KCTD3: variants seen among roughly 807,000 people sequenced by gnomAD.
KCTD3 encodes the protein BTB/POZ domain-containing protein KCTD3.
A neutral mutation model predicts 85.8 loss-of-function variants in KCTD3; 41 were observed. That is an observed-to-expected ratio of 0.48 (90% CI 0.37 to 0.62). The LOEUF (loss-of-function observed/expected upper bound fraction) is 0.62, where lower values mean the gene tolerates loss of function less well. Among genes scored for constraint, KCTD3 ranks in the 20% least tolerant of loss-of-function variants. The pLI, the probability that KCTD3 is intolerant of heterozygous loss-of-function variation, is 0.00. For missense variants in KCTD3, 724 were observed against 989.9 expected (o/e 0.73, Z 3.60); for synonymous variants, 338 against 345.4 (o/e 0.98, Z 0.24).
At chr1:215,582,879 A>G (rs917574080) in intron 8 of KCTD3, among the ~76,000 whole-genome samples, 1 of 152,132 alleles carries the variant, frequency 6.6e-6, no homozygotes, top group Non-Finnish European at 1.5e-5. Flanking sequence ...ACATATTTTA[A>G]ATGTATTACT....
intron 12 of KCTD3, among the ~76,000 whole-genome samples, chr1:215,602,997 C>G (rs990894270): frequency 6.6e-6 from 1 of 152,140 alleles, no homozygotes; most frequent in African/African-American, 2.4e-5. Flanking sequence ...CAAGCTGGCT[C>G]TTTTTGATAC....
At chr1:215,599,332 AT>A (rs892327533) in intron 10 of KCTD3, among the ~76,000 whole-genome samples, 1 of 152,220 alleles carries the variant, frequency 6.6e-6, no homozygotes, top group Non-Finnish European at 1.5e-5. Flanking sequence ...TAGATAAGTG[AT>A]TATTTAAAAA....
At chr1:215,600,391 CCTAA>C (rs1388521595) in intron 10 of KCTD3, among the ~76,000 whole-genome samples, 12 of 152,314 alleles carry the variant, frequency 7.9e-5, no homozygotes, top group African/African-American at 2.9e-4. Context: ...CCTTGCCCTA[CCTAA>C]CTCATAGTTG....
chr1:215,592,600 A>G (rs1660266560), intron 9 of KCTD3, among the ~76,000 whole-genome samples: 1 of 152,182 alleles, frequency 6.6e-6, no homozygotes, highest in South Asian at 2.1e-4. Context: ...AAATTTTATT[A>G]CTTGCTTGGT....
rs539496427 is a variant in KCTD3, at chr1:215,569,119, A to G, written c.83+1351A>G. On this transcript the variant is annotated intron_variant, in intron 1 of 17. Coordinates refer to ENST00000259154, the MANE Select transcript of KCTD3 (RefSeq NM_016121.5). ...GATAGTTAATGTATTTCTTTTCTTT[A>G]ATTTTCTTTTTTTTTTTTTTTGAGA... 2.0e-5 allele frequency among the ~76,000 whole-genome samples: 3 copies of G among 149,882 alleles called. No individual in the cohort carries two copies. The South Asian group carries it at 6.3e-4, about 32-fold the overall frequency.
chr1:215,591,344 TTCTC>T (rs1317729824), intron 9 of KCTD3, among the ~76,000 whole-genome samples: 6 of 137,196 alleles, frequency 4.4e-5, no homozygotes, highest in African/African-American at 1.1e-4. Context: ...CCTTCCTTCC[TTCTC>T]TCTTTCTCTC....
intron 9 of KCTD3, among the ~76,000 whole-genome samples, chr1:215,591,758 C>T (rs1660235106): frequency 6.6e-6 from 1 of 152,214 alleles, no homozygotes; most frequent in Admixed American, 6.5e-5. Flanking sequence ...ACCCCTCTGG[C>T]ACAGTTCCCT....
At chr1:215,614,299 G>A (rs1296537054) in intron 15 of KCTD3, among the ~76,000 whole-genome samples, 3 of 152,022 alleles carry the variant, frequency 2.0e-5, no homozygotes, top group Non-Finnish European at 4.4e-5. Context: ...CCAAAGTGCT[G>A]GGATTACAGG....
At position 215,578,033 on chromosome 1, in the gene KCTD3, C is replaced by T. The variant is rs1054425962; in HGVS notation, c.349C>T (p.Arg117Cys). The T allele has an allele frequency of 1.1e-5, 17 of 1,612,106 alleles. No individual in the cohort carries two copies. The highest frequency in any genetic ancestry group is 2.2e-5 in the East Asian group (1 of 44,848). The change falls in exon 6 of 18, where the codon CGT becomes TGT. Residue 117 changes from arginine (R) to cysteine (C), a missense_variant. Around this residue, in one of 6 missense-constraint regions of KCTD3, gnomAD observed 17 missense variants for 40.4 expected, o/e 0.42. Transcript: ENST00000259154. ...GCTTCTCTTATGTGAAGAATTGGAGCGTTCCTCTTGTGGCAGTGTCCTTTT... is the reference window on the plus strand; with the variant it reads ...GCTTCTCTTATGTGAAGAATTGGAGTGTTCCTCTTGTGGCAGTGTCCTTTT... The part of the protein sequence containing the change: ...RRLLLCEELE[R>C]SSCGSVLFHG...
At chr1:215,589,402 A>T (rs1397358902) in intron 9 of KCTD3, among the ~76,000 whole-genome samples, 2 of 152,148 alleles carry the variant, frequency 1.3e-5, no homozygotes, top group African/African-American at 4.8e-5. Context: ...TGGCTTTCCA[A>T]AGTGCTGGGA....
In KCTD3 at chr1:215,613,421, T is replaced by G. The variant is rs117613872; in HGVS notation, c.1562+1500T>G. On this transcript the variant is annotated intron_variant, in intron 15 of 17. Coordinates refer to ENST00000259154, the MANE Select transcript of KCTD3 (RefSeq NM_016121.5). Reference sequence around the variant, plus strand: ...TTAGACCTTTGTCAGATGCTTAGTTTGCAGATATTTTCTCCTATCCTGTAG... The same window carrying G: ...TTAGACCTTTGTCAGATGCTTAGTTGGCAGATATTTTCTCCTATCCTGTAG... Among the ~76,000 whole-genome samples the G allele has an allele frequency of 1.7e-3, 259 of 152,316 alleles. 4 individuals carry two copies. The East Asian group carries it at 0.037, about 22-fold the overall frequency.
intron 8 of KCTD3, among the ~76,000 whole-genome samples, chr1:215,582,581 A>G (rs1659865052): frequency 1.3e-5 from 2 of 152,142 alleles, no homozygotes; most frequent in African/African-American, 4.8e-5. Context: ...TGAGATTTTG[A>G]GACAGAGTCT....
Position 215,621,729 on chromosome 1 carries a change from T to G in KCTD3, c.*1111T>G, listed in dbSNP as rs1655698649. 1 of 152,550 alleles carries G rather than the reference T, an allele frequency of 6.6e-6. No individual in the cohort carries two copies. The highest frequency in any genetic ancestry group is 1.9e-4 in the East Asian group (1 of 5,200). The allele number at this position is 152,550 out of a possible 1,614,324, so 9.4% of individuals were successfully genotyped here. On this transcript the variant is annotated 3_prime_UTR_variant, in exon 18 of 18. Transcript: ENST00000259154. ...GAAGTTGAAATAAAATCTTTAAAATTTACTATATTGCCAGTGGTTTCACAA... is the reference window on the plus strand; with the variant it reads ...GAAGTTGAAATAAAATCTTTAAAATGTACTATATTGCCAGTGGTTTCACAA...
intron 10 of KCTD3, among the ~76,000 whole-genome samples, chr1:215,600,824 C>T (rs1190696021): frequency 6.6e-6 from 1 of 152,162 alleles, no homozygotes; most frequent in Non-Finnish European, 1.5e-5. Flanking sequence ...CAAATGTCAT[C>T]TGTGAAGAAG....
intron 14 of KCTD3, among the ~76,000 whole-genome samples, chr1:215,609,549 T>C (rs529107282): frequency 2.8e-4 from 43 of 151,954 alleles, no homozygotes; most frequent in African/African-American, 8.4e-4. Flanking sequence ...ATATATATAA[T>C]TCATCTTTCA....
At position 215,602,291 on chromosome 1, in the gene KCTD3, A is replaced by G. The variant is rs577714728; in HGVS notation, c.1138+90A>G. Reference sequence around the variant, plus strand: ...TGACTAGGTCAAATTAAACTGGTTTATTTCTTTTTGAGAACTGCAGTGCCT... The same window carrying G: ...TGACTAGGTCAAATTAAACTGGTTTGTTTCTTTTTGAGAACTGCAGTGCCT... On this transcript the variant is annotated intron_variant, in intron 12 of 17. Transcript: ENST00000259154. 935 of 665,836 alleles carry G rather than the reference A, an allele frequency of 1.4e-3. 6 individuals carry two copies. The African/African-American group carries it at 0.015, about 11-fold the overall frequency. The allele number at this position is 665,836 out of a possible 1,614,324, so 41.2% of individuals were successfully genotyped here. A position where few individuals can be genotyped will look rare whatever the true frequency, so the allele number is the denominator to read the frequency against.
chr1:215,604,657 ATT>A (rs79700903), intron 13 of KCTD3, among the ~76,000 whole-genome samples: 44 of 132,554 alleles, frequency 3.3e-4, no homozygotes, highest in East Asian at 6.5e-4. Flanking sequence ...AGGAGATGTG[ATT>A]TTTTTTTTTT....
At position 215,575,993 on chromosome 1, in the gene KCTD3, T is replaced by C; in HGVS notation, c.257+19T>C. On this transcript the variant is annotated intron_variant, in intron 4 of 17. Transcript: ENST00000259154. ...ACTTAAGGTAAGAAATGCACTCTTT[T>C]TAAAGTAAATTCTTACTGATAAATA... 1 of 1,182,384 alleles carries C rather than the reference T, an allele frequency of 8.5e-7. No homozygotes were observed. The highest frequency in any genetic ancestry group is 1.2e-6 in the Non-Finnish European group (1 of 815,586). 73.2% of individuals were successfully genotyped at this position (1,182,384 alleles called of 1,614,324 possible).
At chr1:215,611,306 T>A (rs1359474287) in intron 14 of KCTD3, among the ~76,000 whole-genome samples, 2 of 151,990 alleles carry the variant, frequency 1.3e-5, no homozygotes, top group Non-Finnish European at 2.9e-5. Context: ...TATATAAAAT[T>A]GTGTGTGTGT....
Sources: gnomAD v4.1 joint callset for allele counts (sites outside exome capture counted in the v4.1 genomes callset) on GRCh38, gnomAD v4.1.1 for gene constraint, gnomAD v4.1.1 regional missense constraint, MANE v1.5 for transcripts, NCBI Gene and HGNC (gene_info 2026-07-23, HGNC 2026-07-21) for gene names.